Variants in FBXW7 observed in about 807,000 individuals in gnomAD.
FBXW7 encodes F-box/WD repeat-containing protein 7.
In FBXW7, 11 loss-of-function variants were observed where a neutral mutation model predicts 86.3. The ratio of observed to expected loss-of-function variants is 0.13; its 90% CI spans 0.08 to 0.21. FBXW7 has a LOEUF of 0.21. FBXW7 is among the 10% of genes least tolerant of loss of function. The pLI, the probability that FBXW7 is intolerant of heterozygous loss-of-function variation, is 1.00. For synonymous variants in FBXW7, 313 were observed against 297.9 expected, an observed-to-expected ratio of 1.05 and a Z score of -0.52; for missense variants, 488 against 847.4, an observed-to-expected ratio of 0.58 and a Z score of 5.27.
chr4:152,429,615 A>T (rs1029074489), intron 2 of FBXW7, among the ~76,000 whole-genome samples: 1 of 152,220 alleles, frequency 6.6e-6, no homozygotes, highest in Non-Finnish European at 1.5e-5. Flanking sequence ...GCTTAGTGGA[A>T]GGAGCAGAAA....
At chr4:152,471,711 C>A (rs956834705) in intron 2 of FBXW7, among the ~76,000 whole-genome samples, 28 of 152,014 alleles carry the variant, frequency 1.8e-4, no homozygotes, top group Non-Finnish European at 3.5e-4. Flanking sequence ...TTAGTGTGGG[C>A]AACATAGTGA....
intron 4 of FBXW7, among the ~76,000 whole-genome samples, chr4:152,399,112 C>T (rs1482110861): frequency 2.0e-5 from 3 of 152,124 alleles, no homozygotes; most frequent in African/African-American, 7.2e-5. Context: ...CATTTTCAAG[C>T]TAAACCTTTA....
rs187332654 is a variant in FBXW7 at position 152,496,015 on chromosome 4, A to G, written c.-120+38926T>C. ...AACATAGCAAGACCTCATCTCTACAAATAATTTTAAAATTGGTTGGGTGTG... is the reference window on the plus strand; with the variant it reads ...AACATAGCAAGACCTCATCTCTACAGATAATTTTAAAATTGGTTGGGTGTG... On this transcript the variant is annotated intron_variant, in intron 2 of 13. Coordinates refer to ENST00000281708, the MANE Select transcript of FBXW7 (RefSeq NM_001349798.2). Among the ~76,000 whole-genome samples the G allele has an allele frequency of 7.2e-5, 11 of 152,208 alleles. No homozygotes were observed. The East Asian group carries it at 2.1e-3, about 29-fold the overall frequency.
At chr4:152,334,783 T>C (rs922122422) in intron 7 of FBXW7, among the ~76,000 whole-genome samples, 6 of 152,348 alleles carry the variant, frequency 3.9e-5, no homozygotes, top group Admixed American at 1.3e-4. Context: ...TACAGGTTAC[T>C]GGCACACTTT....
At position 152,433,985 on chromosome 4, in the gene FBXW7, G is replaced by A. The variant is rs563376443; in HGVS notation, c.-119-21456C>T. On this transcript the variant is annotated intron_variant, in intron 2 of 13. Coordinates refer to ENST00000281708, the MANE Select transcript of FBXW7 (RefSeq NM_001349798.2). ...TTGAACAGCACAGGTGCACTTATACGTGGATTTTTTTTCAATAAATACAGT... is the reference window on the plus strand; with the variant it reads ...TTGAACAGCACAGGTGCACTTATACATGGATTTTTTTTCAATAAATACAGT... 3.3e-5 allele frequency among the ~76,000 whole-genome samples: 5 copies of A among 152,258 alleles called. No homozygotes were observed. In the South Asian group the frequency reaches 6.2e-4, roughly 19 times the overall value.
intron 2 of FBXW7, among the ~76,000 whole-genome samples, chr4:152,499,692 C>CTCA (rs1182621953): frequency 1.3e-5 from 2 of 152,062 alleles, no homozygotes; most frequent in Non-Finnish European, 2.9e-5. Flanking sequence ...GGACCACAGG[C>CTCA]TCACGCAGCC....
rs561479834 is a variant in FBXW7, at chr4:152,482,462, T to C, written c.-120+52479A>G. Among the ~76,000 whole-genome samples, 76 of 152,292 alleles carry C rather than the reference T, an allele frequency of 5.0e-4. 1 individual carries two copies. The South Asian group carries it at 0.012, about 23-fold the overall frequency. ...GTGATTGCAATCATTATTTCGGAGG[T>C]GGCCACTAGAACTCCTTTGAGTTGG... On this transcript the variant is annotated intron_variant, in intron 2 of 13. Transcript: ENST00000281708.
At chr4:152,409,318 G>A (rs1369613479) in intron 4 of FBXW7, among the ~76,000 whole-genome samples, 1 of 152,070 alleles carries the variant, frequency 6.6e-6, no homozygotes, top group Non-Finnish European at 1.5e-5. Context: ...ATGAAACTAT[G>A]GTCTAGGGTA....
chr4:152,398,986 A>G (rs1448471515), intron 4 of FBXW7, among the ~76,000 whole-genome samples: 3 of 152,176 alleles, frequency 2.0e-5, no homozygotes, highest in Non-Finnish European at 2.9e-5. Context: ...TATATATCTT[A>G]CATTTACTGT....
At chr4:152,513,428 C>CA (rs1287287378) in intron 2 of FBXW7, among the ~76,000 whole-genome samples, 2 of 152,140 alleles carry the variant, frequency 1.3e-5, no homozygotes, top group African/African-American at 4.8e-5. Flanking sequence ...ACTCCACTCA[C>CA]AGAGACCCTA....
chr4:152,457,643 CAAAAAAAAAAAAA>C (rs769232533), intron 2 of FBXW7, among the ~76,000 whole-genome samples: 2 of 57,464 alleles, frequency 3.5e-5, no homozygotes, highest in Non-Finnish European at 7.5e-5. Flanking sequence ...GACTCTGTCT[CAAAAAAAAAAAAA>C]AAAAAAAAAG....
At chr4:152,341,841 A>G (rs925723293) in intron 6 of FBXW7, among the ~76,000 whole-genome samples, 1 of 152,192 alleles carries the variant, frequency 6.6e-6, no homozygotes, top group Non-Finnish European at 1.5e-5. Context: ...GCATGTGTAC[A>G]TGAAATAACA....
chr4:152,485,567 A>G (rs1369411066), intron 2 of FBXW7, among the ~76,000 whole-genome samples: 1 of 152,212 alleles, frequency 6.6e-6, no homozygotes, highest in South Asian at 2.1e-4. Flanking sequence ...AGGAATTCAA[A>G]TATCACTAGT....
At position 152,423,482 on chromosome 4, in the gene FBXW7, T is replaced by A. The variant is rs1312125183; in HGVS notation, c.-119-10953A>T. On this transcript the variant is annotated intron_variant, in intron 2 of 13. Transcript: ENST00000281708. ...GAGAAATAAAAATTTGCCAAACATG[T>A]CAAGAGTACACATTTTCCCAAATAA... Among the ~76,000 whole-genome samples, 4 of 152,210 alleles carry A rather than the reference T, an allele frequency of 2.6e-5. No individual in the cohort carries two copies. The East Asian group carries it at 7.7e-4, about 29-fold the overall frequency.
At chr4:152,340,814 A>G (rs965248810) in intron 6 of FBXW7, among the ~76,000 whole-genome samples, 1 of 152,112 alleles carries the variant, frequency 6.6e-6, no homozygotes, top group Admixed American at 6.5e-5. Context: ...ATTTTTGGAT[A>G]TGTAATTGAA....
At chr4:152,490,646 C>T (rs547436910) in intron 2 of FBXW7, among the ~76,000 whole-genome samples, 1 of 152,204 alleles carries the variant, frequency 6.6e-6, no homozygotes, top group Admixed American at 6.6e-5. Context: ...ACATTCATTA[C>T]AGAAATCTAT....
chr4:152,336,038 T>A (rs1730056070), intron 7 of FBXW7, among the ~76,000 whole-genome samples: 1 of 152,302 alleles, frequency 6.6e-6, no homozygotes, highest in East Asian at 1.9e-4. Flanking sequence ...AAGGTAATAA[T>A]GTTTTAAATA....
intron 2 of FBXW7, among the ~76,000 whole-genome samples, chr4:152,525,584 C>T (rs1456139124): frequency 1.3e-5 from 2 of 152,158 alleles, no homozygotes; most frequent in East Asian, 1.9e-4. Context: ...TAGTGTGCTA[C>T]GGATAATAGC....
At chr4:152,437,209 T>G (rs566328516) in intron 2 of FBXW7, among the ~76,000 whole-genome samples, 128 of 152,240 alleles carry the variant, frequency 8.4e-4, no homozygotes, top group African/African-American at 2.9e-3. Flanking sequence ...TTGGAAGAAG[T>G]TGATTCCAAC....
Sources: gnomAD v4.1 joint callset for allele counts (sites outside exome capture counted in the v4.1 genomes callset) on GRCh38, gnomAD v4.1.1 for gene constraint, MANE v1.5 for transcripts, NCBI Gene and HGNC (gene_info 2026-07-23, HGNC 2026-07-21) for gene names.